The following NCALD variants were observed in gnomAD, a reference collection of about 807,000 sequenced individuals.
NCALD encodes neurocalcin-delta.
In NCALD, 10 loss-of-function variants were observed where a neutral mutation model predicts 18.6. That is an observed-to-expected ratio of 0.54 (90% CI 0.33 to 0.91). The LOEUF is 0.91. Ranked by LOEUF, NCALD falls within the 40% of genes least tolerant of loss-of-function variation. The pLI is 0.03. For missense variants in NCALD, 184 were observed against 247.6 expected, an observed-to-expected ratio of 0.74 and a Z score of 1.72; for synonymous variants, 88 against 87.4, an observed-to-expected ratio of 1.01 and a Z score of -0.04.
intron 2 of NCALD, among the ~76,000 whole-genome samples, chr8:102,000,872 C>A (rs1821429969): frequency 1.3e-5 from 2 of 152,224 alleles, no homozygotes; most frequent in South Asian, 4.1e-4. Context: ...AAAACCCCAT[C>A]TGTACGTCAC....
At chr8:102,124,037 T>C (rs1297529376) in intron 1 of NCALD, 1 of 152,304 alleles carries the variant, frequency 6.6e-6, no homozygotes, top group Non-Finnish European at 1.5e-5. Context: ...GACAGAGGAA[T>C]TGACAGGGTG....
intron 4 of NCALD, among the ~76,000 whole-genome samples, chr8:101,838,510 G>A (rs756095132): frequency 2.8e-4 from 42 of 152,178 alleles, no homozygotes; most frequent in Non-Finnish European, 5.0e-4. Flanking sequence ...ATGAGCCACC[G>A]TGCCCAGCCC....
chr8:101,706,730 C>T (rs755721956), intron 2 of NCALD, among the ~76,000 whole-genome samples: 7 of 152,148 alleles, frequency 4.6e-5, no homozygotes, highest in Admixed American at 6.5e-5. Context: ...CCTATGATGA[C>T]GGAGGCAGAG....
intron 3 of NCALD, among the ~76,000 whole-genome samples, chr8:101,891,119 T>A (rs1191474985): frequency 6.6e-6 from 1 of 152,200 alleles, no homozygotes; most frequent in Non-Finnish European, 1.5e-5. Flanking sequence ...ATATTTGTGT[T>A]GAGGCAAACC....
chr8:102,009,979 C>G (rs1390939291), intron 2 of NCALD, among the ~76,000 whole-genome samples: 1 of 152,192 alleles, frequency 6.6e-6, no homozygotes, highest in Non-Finnish European at 1.5e-5. Context: ...CTGGGGAGCA[C>G]TTGGGTAGCC....
intron 4 of NCALD, among the ~76,000 whole-genome samples, chr8:101,843,844 A>G (rs1235058254): frequency 6.6e-6 from 1 of 152,118 alleles, no homozygotes; most frequent in East Asian, 1.9e-4. Context: ...AGCCTCCCAA[A>G]GTGCTGGGAT....
intron 1 of NCALD, among the ~76,000 whole-genome samples, chr8:101,787,665 T>C (rs1482242008): frequency 6.6e-6 from 1 of 152,208 alleles, no homozygotes; most frequent in African/African-American, 2.4e-5. Flanking sequence ...ATACCCCCTG[T>C]ATTGGTCTTA....
chr8:102,025,834 A>G (rs1189853317), intron 1 of NCALD, among the ~76,000 whole-genome samples: 1 of 152,198 alleles, frequency 6.6e-6, no homozygotes, highest in East Asian at 1.9e-4. Context: ...CCATTCTGAC[A>G]CTGCTATAAG....
chr8:101,994,030 A>C (rs960717029), intron 2 of NCALD, among the ~76,000 whole-genome samples: 2 of 152,252 alleles, frequency 1.3e-5, no homozygotes, highest in African/African-American at 2.4e-5. Context: ...GGAGGTAGAC[A>C]TTAAAATAAG....
intron 1 of NCALD, among the ~76,000 whole-genome samples, chr8:102,118,888 C>T (rs1157745985): frequency 6.6e-6 from 1 of 152,120 alleles, no homozygotes; most frequent in Non-Finnish European, 1.5e-5. Flanking sequence ...AGAATGTGTT[C>T]AACATTTCAC....
intron 2 of NCALD, among the ~76,000 whole-genome samples, chr8:101,958,297 A>G (rs1192237579): frequency 2.0e-5 from 3 of 152,150 alleles, no homozygotes; most frequent in Non-Finnish European, 4.4e-5. Context: ...ATGGACCAAC[A>G]GGCTTCCTAA....
At chr8:102,011,528 C>A (rs1028475642) in intron 2 of NCALD, among the ~76,000 whole-genome samples, 1 of 152,166 alleles carries the variant, frequency 6.6e-6, no homozygotes, top group African/African-American at 2.4e-5. Context: ...CTCAATAAAT[C>A]TTTGATGCAA....
At chr8:101,758,834 T>A (rs200661394) in intron 1 of NCALD, among the ~76,000 whole-genome samples, 1 of 26,544 alleles carries the variant, frequency 3.8e-5, no homozygotes, top group Admixed American at 3.3e-4. Context: ...TGTAAAATAC[T>A]TTTTTTTTGT....
intron 2 of NCALD, chr8:101,693,177 G>T: frequency 9.5e-6 from 3 of 316,628 alleles, no homozygotes; most frequent in South Asian, 9.1e-5. Flanking sequence ...TTGAGACAGG[G>T]TCTCATTCTG....
chr8:102,068,228 A>T (rs959039662), intron 1 of NCALD, among the ~76,000 whole-genome samples: 1 of 152,100 alleles, frequency 6.6e-6, no homozygotes, highest in African/African-American at 2.4e-5. Context: ...GATCAGGGAG[A>T]TCTCGCGCTC....
At chr8:102,024,059 T>C (rs1822372186) in intron 1 of NCALD, among the ~76,000 whole-genome samples, 1 of 152,226 alleles carries the variant, frequency 6.6e-6, no homozygotes, top group South Asian at 2.1e-4. Flanking sequence ...CTTGTTGCTC[T>C]TTTGCCAGAG....
rs565179307 is a variant in NCALD at position 102,060,129 on chromosome 8, T to C, written c.-209-39840A>G. Among the ~76,000 whole-genome samples the C allele has an allele frequency of 8.7e-4, 133 of 152,252 alleles. No homozygotes were observed. In the South Asian group the frequency reaches 0.017, roughly 19 times the overall value. On this transcript the variant is annotated intron_variant, in intron 1 of 6. Transcript: ENST00000311028. ...CCGAGTAGCTGGAACTACAGGCATG[T>C]GCCACCATGCCTGGCTAATTTTTTT...
At chr8:101,928,404 C>A (rs1818416485) in intron 2 of NCALD, among the ~76,000 whole-genome samples, 1 of 152,032 alleles carries the variant, frequency 6.6e-6, no homozygotes, top group African/African-American at 2.4e-5. Context: ...CCTCTTGGAC[C>A]ACAGAGATCC....
chr8:101,895,711 A>G (rs1817136831), intron 3 of NCALD, among the ~76,000 whole-genome samples: 1 of 149,082 alleles, frequency 6.7e-6, no homozygotes, highest in Non-Finnish European at 1.5e-5. Flanking sequence ...GCATTCTTAT[A>G]CACCAACAAC....
Sources: gnomAD v4.1 joint callset for allele counts (sites outside exome capture counted in the v4.1 genomes callset) on GRCh38, gnomAD v4.1.1 for gene constraint, MANE v1.5 for transcripts, NCBI Gene and HGNC (gene_info 2026-07-23, HGNC 2026-07-21) for gene names.